FARS2: variants seen among roughly 807,000 people sequenced by gnomAD.
FARS2 encodes phenylalanyl-tRNA synthetase 2, mitochondrial.
A neutral mutation model predicts 46.4 loss-of-function variants in FARS2; 40 were observed. The ratio of observed to expected loss-of-function variants is 0.86; its 90% CI spans 0.67 to 1.12. FARS2 has a LOEUF of 1.12. Ranked by LOEUF, FARS2 falls within the 50% of genes most tolerant of loss-of-function variation. The pLI is 0.00. For synonymous variants in FARS2, 234 were observed against 214.9 expected (o/e 1.09, Z -0.78); for missense variants, 513 against 567.9 (o/e 0.90, Z 0.98).
intron 2 of FARS2, among the ~76,000 whole-genome samples, chr6:5,369,714 T>A (rs1250398071): frequency 6.6e-6 from 1 of 152,186 alleles, no homozygotes; most frequent in African/African-American, 2.4e-5. Flanking sequence ...TGCTGTGAGA[T>A]GTCTTAATTG....
At chr6:5,341,209 A>T (rs1561969676) in intron 1 of FARS2, among the ~76,000 whole-genome samples, 1 of 3,696 alleles carries the variant, frequency 2.7e-4, no homozygotes, top group African/African-American at 8.7e-4. Flanking sequence ...ATATATATAT[A>T]TATATATATA....
In FARS2 at chr6:5,683,847, A is replaced by T. The variant is rs141791473; in HGVS notation, c.1217+70527A>T. On this transcript the variant is annotated intron_variant, in intron 6 of 6. Transcript: ENST00000274680. ...CATGTGTTCTCATTCTTCAATTCCCACTTATGAGTGAGAACATGTGGTATT... is the reference window on the plus strand; with the variant it reads ...CATGTGTTCTCATTCTTCAATTCCCTCTTATGAGTGAGAACATGTGGTATT... Among the ~76,000 whole-genome samples the T allele has an allele frequency of 2.2e-3, 341 of 152,040 alleles. 1 individual carries two copies. Among genetic ancestry groups the T allele is most frequent in the African/African-American group, 7.7e-3 (321 of 41,450 alleles).
chr6:5,255,645 C>T, the FARS2 span, among the ~76,000 whole-genome samples: 4 of 152,228 alleles, frequency 2.6e-5, no homozygotes, highest in African/African-American at 9.6e-5. Context: ...TCTTCTTCAG[C>T]CAACTACTTC....
chr6:5,637,239 C>T (rs1776589482), intron 6 of FARS2, among the ~76,000 whole-genome samples: 1 of 152,194 alleles, frequency 6.6e-6, no homozygotes, highest in African/African-American at 2.4e-5. Context: ...CCTTAGATAC[C>T]AAGAGCTTCA....
rs550511714 is a variant in FARS2, at chr6:5,321,783, G to C, written c.-21-46767G>C. 2.6e-3 allele frequency among the ~76,000 whole-genome samples: 390 copies of C among 152,234 alleles called. 1 individual carries two copies. Among genetic ancestry groups the C allele is most frequent in the Admixed American group, 5.8e-3 (88 of 15,288 alleles). ...TTTTCCTTCTTCATCCACTAAATCT[G>C]CCTTATATATTGATTGCTTTTAGGA... is the stretch of plus-strand genomic sequence containing the variant. On this transcript the variant is annotated intron_variant, in intron 1 of 6. Coordinates refer to ENST00000274680, the MANE Select transcript of FARS2 (RefSeq NM_006567.5).
At chr6:5,722,378 T>A (rs570567925) in intron 6 of FARS2, among the ~76,000 whole-genome samples, 6 of 152,290 alleles carry the variant, frequency 3.9e-5, no homozygotes, top group African/African-American at 1.4e-4. Flanking sequence ...ACGTTTTTCT[T>A]GTAAAGGGGG....
At chr6:5,362,497 G>A (rs1285053124) in intron 1 of FARS2, among the ~76,000 whole-genome samples, 2 of 152,128 alleles carry the variant, frequency 1.3e-5, no homozygotes, top group Non-Finnish European at 2.9e-5. Flanking sequence ...ACATTTAGGT[G>A]GATCCCATAT....
At position 5,482,842 on chromosome 6, in the gene FARS2, T is replaced by A. The variant is rs536740944; in HGVS notation, c.904+51670T>A. On this transcript the variant is annotated intron_variant, in intron 4 of 6. Transcript: ENST00000274680. ...AGTCAGCACTTTCCAGAAATTACAGTTGGGAAAATCGTGCATGTTCTCATT... is the reference window on the plus strand; with the variant it reads ...AGTCAGCACTTTCCAGAAATTACAGATGGGAAAATCGTGCATGTTCTCATT... Among the ~76,000 whole-genome samples, 3 of 152,306 alleles carry A rather than the reference T, an allele frequency of 2.0e-5. No individual in the cohort carries two copies. The South Asian group carries it at 6.2e-4, about 32-fold the overall frequency.
intron 3 of FARS2, among the ~76,000 whole-genome samples, chr6:5,428,243 G>GTGA (rs1470169527): frequency 2.6e-5 from 4 of 152,174 alleles, no homozygotes; most frequent in Non-Finnish European, 1.5e-5. Context: ...TATTACAGTT[G>GTGA]TGAGAGATGG....
intron 6 of FARS2, among the ~76,000 whole-genome samples, chr6:5,643,104 C>T (rs1053520437): frequency 3.3e-5 from 5 of 152,156 alleles, no homozygotes; most frequent in African/African-American, 7.2e-5. Flanking sequence ...TATTTACTTA[C>T]GATTACTTAA....
intron 6 of FARS2, among the ~76,000 whole-genome samples, chr6:5,629,340 C>T (rs1277657043): frequency 1.3e-5 from 2 of 152,104 alleles, no homozygotes; most frequent in Admixed American, 6.5e-5. Context: ...CTTACTTTGC[C>T]TTATATACTC....
intron 1 of FARS2, chr6:5,291,471 T>A (rs1413162927): frequency 6.6e-6 from 1 of 152,222 alleles, no homozygotes; most frequent in East Asian, 1.9e-4. Context: ...ACTATCCAAT[T>A]TGGGGGAAAG....
chr6:5,683,845 C>T (rs1261636958), intron 6 of FARS2, among the ~76,000 whole-genome samples: 1 of 152,090 alleles, frequency 6.6e-6, no homozygotes, highest in Admixed American at 6.5e-5. Context: ...TCTTCAATTC[C>T]CACTTATGAG....
At chr6:5,712,490 A>G (rs1004620727) in intron 6 of FARS2, among the ~76,000 whole-genome samples, 8 of 152,056 alleles carry the variant, frequency 5.3e-5, no homozygotes, top group Non-Finnish European at 1.2e-4. Context: ...ACCTTTTAGA[A>G]CCACCGTTTC....
chr6:5,650,703 T>G (rs1200906254), intron 6 of FARS2, among the ~76,000 whole-genome samples: 1 of 152,106 alleles, frequency 6.6e-6, no homozygotes, highest in Non-Finnish European at 1.5e-5. Context: ...GGTCTCGATC[T>G]CCTCACCTCA....
At chr6:5,565,600 T>C (rs1772278297) in intron 5 of FARS2, among the ~76,000 whole-genome samples, 1 of 152,220 alleles carries the variant, frequency 6.6e-6, no homozygotes, top group African/African-American at 2.4e-5. Context: ...ATTGATAGCA[T>C]ATACTTAGAC....
At chr6:5,695,169 C>T (rs1758022314) in intron 6 of FARS2, 1 of 152,224 alleles carries the variant, frequency 6.6e-6, no homozygotes, top group Non-Finnish European at 1.5e-5. Flanking sequence ...TCCACGTAGC[C>T]TTCACTGCCA....
intron 6 of FARS2, among the ~76,000 whole-genome samples, chr6:5,689,619 G>T (rs1238055121): frequency 6.6e-6 from 1 of 151,926 alleles, no homozygotes; most frequent in Admixed American, 6.6e-5. Context: ...TTACTTCCAA[G>T]TATGTGGTCA....
At chr6:5,509,730 T>C (rs1768316307) in intron 4 of FARS2, among the ~76,000 whole-genome samples, 1 of 152,200 alleles carries the variant, frequency 6.6e-6, no homozygotes, top group Non-Finnish European at 1.5e-5. Flanking sequence ...CTGTGGTCTC[T>C]GCAGAAAGTG....
Sources: gnomAD v4.1 joint callset for allele counts (sites outside exome capture counted in the v4.1 genomes callset) on GRCh38, gnomAD v4.1.1 for gene constraint, MANE v1.5 for transcripts, NCBI Gene and HGNC (gene_info 2026-07-23, HGNC 2026-07-21) for gene names.